PRKAR1B: variants seen among roughly 807,000 people sequenced by gnomAD.
PRKAR1B encodes the protein protein kinase cAMP-dependent type I regulatory subunit beta.
Under a neutral mutation model 46.5 loss-of-function variants are expected in PRKAR1B, and 22 were observed. The ratio of observed to expected loss-of-function variants is 0.47; its 90% confidence interval spans 0.34 to 0.68. The LOEUF (loss-of-function observed/expected upper bound fraction) is 0.68, where lower values mean the gene tolerates loss of function less well. Among genes scored for constraint, PRKAR1B ranks in the 30% least tolerant of loss-of-function variants. The pLI, the probability that PRKAR1B is intolerant of heterozygous loss-of-function variation, is 0.01. For synonymous variants in PRKAR1B, 259 were observed against 217.7 expected, an observed-to-expected ratio of 1.19 and a Z score of -1.67; for missense variants, 445 against 535.6, an observed-to-expected ratio of 0.83 and a Z score of 1.67.
intron 9 of PRKAR1B, among the ~76,000 whole-genome samples, chr7:577,290 C>T (rs1023423061): frequency 1.3e-5 from 2 of 152,210 alleles, no homozygotes; most frequent in African/African-American, 4.8e-5. Flanking sequence ...CAGAGAGGTG[C>T]CCTCCTTCTG....
chr7:701,676 G>T (rs1000704089), intron 2 of PRKAR1B, among the ~76,000 whole-genome samples: 5 of 152,212 alleles, frequency 3.3e-5, no homozygotes, highest in African/African-American at 1.2e-4. Context: ...AGGCTGATTT[G>T]TCATCAGAAA....
At chr7:631,993 C>G (rs1783775580) in intron 4 of PRKAR1B, among the ~76,000 whole-genome samples, 1 of 151,974 alleles carries the variant, frequency 6.6e-6, no homozygotes, top group South Asian at 2.1e-4. Context: ...ACCTTGTGTC[C>G]CGATCTAGAA....
intron 4 of PRKAR1B, among the ~76,000 whole-genome samples, chr7:613,377 A>G (rs1003896836): frequency 9.2e-5 from 14 of 152,078 alleles, no homozygotes; most frequent in African/African-American, 3.4e-4. Context: ...GGGCAGACTT[A>G]AGGCTCTTAA....
intron 4 of PRKAR1B, among the ~76,000 whole-genome samples, chr7:677,002 C>T (rs1445890668): frequency 9.3e-5 from 14 of 151,184 alleles, no homozygotes; most frequent in African/African-American, 2.4e-4. Flanking sequence ...GCCCACCTCC[C>T]GGAGGGCAAG....
rs7804119 is a variant in PRKAR1B, at chr7:695,702, C to T, written c.178-14976G>A. 7.9e-4 allele frequency among the ~76,000 whole-genome samples: 120 copies of T among 151,850 alleles called. 1 individual carries two copies. The highest frequency in any genetic ancestry group is 1.9e-3 in the African/African-American group (79 of 41,356). ...TTTTTGAGACGGAGTCTCGCTCTGT[C>T]GCCCAGGCTGGAGTGTAGTGGCGTG... On this transcript the variant is annotated intron_variant, in intron 2 of 10. Coordinates refer to ENST00000537384, the MANE Select transcript of PRKAR1B (RefSeq NM_001164760.2).
At chr7:640,118 G>A (rs1051161663) in intron 4 of PRKAR1B, among the ~76,000 whole-genome samples, 6 of 150,670 alleles carry the variant, frequency 4.0e-5, no homozygotes, top group African/African-American at 9.8e-5. Flanking sequence ...AGCCGAGATC[G>A]TACTATTGCA....
At position 628,424 on chromosome 7, in the gene PRKAR1B, A is replaced by G. The variant is rs191611263; in HGVS notation, c.441-20972T>C. 5.1e-3 allele frequency among the ~76,000 whole-genome samples: 772 copies of G among 152,354 alleles called. 4 individuals are homozygous for G. Among genetic ancestry groups the G allele is most frequent in the South Asian group, 0.025 (120 of 4,828 alleles). ...GTCCCCTCCAGAGGCCTCTCTCCAG[A>G]CTGGGATGCAGGATCTTTCTTCTCC... On this transcript the variant is annotated intron_variant, in intron 4 of 10. Coordinates refer to ENST00000537384, the MANE Select transcript of PRKAR1B (RefSeq NM_001164760.2).
chr7:673,481 C>A (rs1786403788), intron 4 of PRKAR1B, among the ~76,000 whole-genome samples: 1 of 151,818 alleles, frequency 6.6e-6, no homozygotes, highest in Non-Finnish European at 1.5e-5. Flanking sequence ...AACCCCATCT[C>A]TACTAAAAAT....
intron 7 of PRKAR1B, among the ~76,000 whole-genome samples, chr7:592,824 G>T (rs915203195): frequency 6.6e-6 from 1 of 152,180 alleles, no homozygotes; most frequent in African/African-American, 2.4e-5. Context: ...CTTGAGCCCA[G>T]GAGTCCAAGA....
rs767097881 is a variant in PRKAR1B at position 579,349 on chromosome 7, G to C, written c.798C>G (p.Thr266=). 6.2e-7 allele frequency: 1 copy of C among 1,614,066 alleles called. No homozygotes were observed. Among genetic ancestry groups the C allele is most frequent in the South Asian group, 1.1e-5 (1 of 91,090 alleles). Residue 266 remains threonine, a synonymous_variant, in exon 9 of 11, where the codon ACC becomes ACG. Transcript: ENST00000537384. ...GGACGGGCTCCAGCGCATCCGCCACGGTCAGACGCTCCCACTTCTCCAGGG... is the reference window on the plus strand; with the variant it reads ...GGACGGGCTCCAGCGCATCCGCCACCGTCAGACGCTCCCACTTCTCCAGGG... The part of the protein sequence containing the change: ...LESLEKWERL[T]VADALEPVQF...
At chr7:668,262 C>T (rs749034454) in intron 4 of PRKAR1B, among the ~76,000 whole-genome samples, 3 of 152,180 alleles carry the variant, frequency 2.0e-5, no homozygotes, top group Non-Finnish European at 2.9e-5. Flanking sequence ...TGGCTTTGCT[C>T]GCCAAACCAC....
chr7:691,857 G>A lies in PRKAR1B; in HGVS notation c.178-11131C>T, dbSNP rs962988073. 4 of 1,162,912 alleles carry A rather than the reference G, an allele frequency of 3.4e-6. No homozygotes were observed. The African/African-American group carries it at 4.8e-5, about 14-fold the overall frequency. 72.0% of individuals were successfully genotyped at this position (1,162,912 alleles called of 1,614,324 possible). ...CACCTCATCACTCTCCGGTCACCATGACAACGGGCCATCTCACAATCTCTC... is the reference window on the plus strand; with the variant it reads ...CACCTCATCACTCTCCGGTCACCATAACAACGGGCCATCTCACAATCTCTC... On this transcript the variant is annotated intron_variant, in intron 2 of 10. Coordinates refer to ENST00000537384, the MANE Select transcript of PRKAR1B (RefSeq NM_001164760.2).
intron 4 of PRKAR1B, among the ~76,000 whole-genome samples, chr7:648,075 G>C (rs1784715707): frequency 6.6e-6 from 1 of 151,714 alleles, no homozygotes; most frequent in African/African-American, 2.4e-5. Flanking sequence ...GAGGCTGGGA[G>C]GTTGAGGCTG....
In PRKAR1B at chr7:650,493, C is replaced by A. The variant is rs528273526; in HGVS notation, c.440+26736G>T. ...CTCCAGCTCTGGGCTGCAAACACCC[C>A]CTCCTCTGGGAGTCATTCCTGGCTC... On this transcript the variant is annotated intron_variant, in intron 4 of 10. Transcript: ENST00000537384. Among the ~76,000 whole-genome samples, 151 of 152,328 alleles carry A rather than the reference C, an allele frequency of 9.9e-4. 1 individual carries two copies. Among genetic ancestry groups the A allele is most frequent in the African/African-American group, 3.4e-3 (143 of 41,588 alleles).
chr7:634,252 G>C (rs1783917015), intron 4 of PRKAR1B, among the ~76,000 whole-genome samples: 1 of 152,010 alleles, frequency 6.6e-6, no homozygotes, highest in South Asian at 2.1e-4. Context: ...TCGAACTCCT[G>C]ACCTTGTGAT....
At position 626,719 on chromosome 7, in the gene PRKAR1B, C is replaced by CT. The variant is rs1242823672; in HGVS notation, c.441-19268dup. Among the ~76,000 whole-genome samples, 979 of 144,286 alleles carry CT rather than the reference C, an allele frequency of 6.8e-3. 7 individuals carry two copies. Among genetic ancestry groups the CT allele is most frequent in the African/African-American group, 0.02 (801 of 39,624 alleles). 94.7% of individuals were successfully genotyped at this position (144,286 alleles called of 152,430 possible). Reference sequence around the variant, plus strand: ...AAAAAAAAAGGAAAGATAAAGTGAACTTTTTTTTTTTTAGAGACAGGGTCT... The same window carrying CT: ...AAAAAAAAAGGAAAGATAAAGTGAACTTTTTTTTTTTTTAGAGACAGGGTCT... On this transcript the variant is annotated intron_variant, in intron 4 of 10. Coordinates refer to ENST00000537384, the MANE Select transcript of PRKAR1B (RefSeq NM_001164760.2).
At chr7:637,171 C>T (rs944961963) in intron 4 of PRKAR1B, among the ~76,000 whole-genome samples, 1 of 152,152 alleles carries the variant, frequency 6.6e-6, no homozygotes, top group African/African-American at 2.4e-5. Flanking sequence ...CCTGTAGTCC[C>T]GGCTCCTCGG....
intron 9 of PRKAR1B, among the ~76,000 whole-genome samples, chr7:558,676 C>A (rs930744048): frequency 1.3e-5 from 2 of 151,888 alleles, no homozygotes; most frequent in African/African-American, 4.8e-5. Context: ...TTGAATGAAC[C>A]GAGAGGGGGA....
At chr7:658,924 T>G (rs1344853555) in intron 4 of PRKAR1B, among the ~76,000 whole-genome samples, 1 of 152,184 alleles carries the variant, frequency 6.6e-6, no homozygotes, top group East Asian at 1.9e-4. Flanking sequence ...ATGCTGGGGT[T>G]ATAGACATGA....
Sources: gnomAD v4.1 joint callset for allele counts (sites outside exome capture counted in the v4.1 genomes callset) on GRCh38, gnomAD v4.1.1 for gene constraint, MANE v1.5 for transcripts, NCBI Gene and HGNC (gene_info 2026-07-23, HGNC 2026-07-21) for gene names.